Variants in PPP1CB observed in about 807,000 individuals in gnomAD.
The protein encoded by PPP1CB is serine/threonine-protein phosphatase PP1-beta catalytic subunit.
PPP1CB carries 2 observed loss-of-function variants against 43.7 expected under a neutral mutation model. That is an observed-to-expected ratio of 0.05 (90% CI 0.02 to 0.14). The LOEUF is 0.14. Ranked by LOEUF, PPP1CB falls within the 10% of genes least tolerant of loss-of-function variation. The pLI is 1.00. For synonymous variants in PPP1CB, 136 were observed against 135.6 expected, an observed-to-expected ratio of 1.00 and a Z score of -0.02; for missense variants, 84 against 398.0, an observed-to-expected ratio of 0.21 and a Z score of 6.71.
chr2:28,777,711 G>A (rs1007022530), intron 2 of PPP1CB, among the ~76,000 whole-genome samples: 11 of 152,196 alleles, frequency 7.2e-5, no homozygotes, highest in Non-Finnish European at 1.5e-4. Context: ...GGAGTACAAT[G>A]GCACAATCTT....
chr2:28,778,794 T>C lies in PPP1CB; in HGVS notation c.185-15T>C, dbSNP rs757727146. On this transcript the variant is annotated splice_polypyrimidine_tract_variant and intron_variant, in intron 2 of 7. Coordinates refer to ENST00000395366, the MANE Select transcript of PPP1CB (RefSeq NM_002709.3). The stretch of plus-strand genomic sequence containing the variant: ...AGTAACCAATTTTTCTAAAACTGAC[T>C]CTTTCTCTTTTTAGGAGATATTCAT... 3 of 1,523,640 alleles carry C rather than the reference T, an allele frequency of 2.0e-6. No individual in the cohort carries two copies. The highest frequency in any genetic ancestry group is 2.7e-6 in the Non-Finnish European group (3 of 1,101,728). The allele number at this position is 1,523,640 out of a possible 1,614,324, so 94.4% of individuals were successfully genotyped here.
intron 1 of PPP1CB, among the ~76,000 whole-genome samples, chr2:28,764,789 C>T (rs992183473): frequency 2.6e-5 from 4 of 152,040 alleles, no homozygotes; most frequent in Admixed American, 6.6e-5. Flanking sequence ...GGCATGGTGG[C>T]ACACACCTGT....
chr2:28,794,124 A>C, intron 7 of PPP1CB, 127 bp downstream of exon 7: 4 of 698,422 alleles, frequency 5.7e-6, no homozygotes, highest in Non-Finnish European at 9.2e-6. Context: ...AGTGATTACC[A>C]CTCAAACTCA....
At chr2:28,796,895 C>T (rs186213426) in intron 7 of PPP1CB, among the ~76,000 whole-genome samples, 251 of 152,116 alleles carry the variant, frequency 1.7e-3, no homozygotes, top group Non-Finnish European at 5.1e-4. Flanking sequence ...CTTTTCAGTA[C>T]GATGTTGGCT....
chr2:28,793,711 G>A (rs556430840), intron 6 of PPP1CB, 152 bp from the exon 7 acceptor site: 1 of 741,232 alleles, frequency 1.3e-6, no homozygotes, highest in South Asian at 2.2e-5. Flanking sequence ...TCTAAGCAAA[G>A]TTTAAGAATA....
chr2:28,800,234 T>TTC lies in PPP1CB; in HGVS notation c.*932_*933insCT, dbSNP rs1553312792. 1 of 143,518 alleles carries TTC rather than the reference T, an allele frequency of 7.0e-6. No individual in the cohort carries two copies. The highest frequency in any genetic ancestry group is 1.5e-5 in the Non-Finnish European group (1 of 65,518). 8.9% of individuals were successfully genotyped at this position (143,518 alleles called of 1,614,324 possible). ...CTTTTTCTTTTTTCTTTCTTTTTTTTTTTTTTTTTTTTTTTGAGTTGTTGT... is the reference window on the plus strand; with the variant it reads ...CTTTTTCTTTTTTCTTTCTTTTTTTTTCTTTTTTTTTTTTTTTGAGTTGTTGT... On this transcript the variant is annotated 3_prime_UTR_variant, in exon 8 of 8. Transcript: ENST00000395366.
chr2:28,791,098 T>G (rs1376450362), intron 6 of PPP1CB, among the ~76,000 whole-genome samples: 1 of 152,214 alleles, frequency 6.6e-6, no homozygotes, highest in Non-Finnish European at 1.5e-5. Context: ...CGTATTTAAT[T>G]AAGTATATGC....
chr2:28,794,324 G>A (rs1245401218), intron 7 of PPP1CB, among the ~76,000 whole-genome samples: 1 of 152,142 alleles, frequency 6.6e-6, no homozygotes, highest in African/African-American at 2.4e-5. Context: ...TTAGGCTTTT[G>A]TTTTCTTTTG....
chr2:28,752,301 G>A, intron 1 of PPP1CB, 125 bp downstream of exon 1: 2 of 950,112 alleles, frequency 2.1e-6, no homozygotes, highest in Admixed American at 3.1e-5. Context: ...CTGGGAGCGC[G>A]GCGCGGCGGA....
chr2:28,772,878 A>G (rs533977791), intron 1 of PPP1CB, among the ~76,000 whole-genome samples: 64 of 152,322 alleles, frequency 4.2e-4, no homozygotes, highest in African/African-American at 1.5e-3. Context: ...GATTAGGGAT[A>G]CTCAGCCTGT....
At chr2:28,781,879 C>G (rs1357368506) in intron 4 of PPP1CB, 37 bp downstream of exon 4, 7 of 1,400,310 alleles carry the variant, frequency 5.0e-6, no homozygotes, top group Non-Finnish European at 7.1e-6. Context: ...TTTTTTTTTT[C>G]TTCTATTATT....
rs1225536771 is a variant in PPP1CB at position 28,800,128 on chromosome 2, C to T, written c.*825C>T. The T allele has an allele frequency of 6.6e-6, 1 of 151,980 alleles. No homozygotes were observed. Among genetic ancestry groups the T allele is most frequent in the Non-Finnish European group, 1.5e-5 (1 of 67,878 alleles). 9.4% of individuals were successfully genotyped at this position (151,980 alleles called of 1,614,324 possible). A position where few individuals can be genotyped will look rare whatever the true frequency, so the allele number is the denominator to read the frequency against. ...AGTTGGTAATGTGATTATGTGGTAC[C>T]TTGGCTTTAGGTTTTCATTCGCACG... On this transcript the variant is annotated 3_prime_UTR_variant, in exon 8 of 8. Transcript: ENST00000395366.
At chr2:28,756,917 T>C (rs1398984071) in intron 1 of PPP1CB, among the ~76,000 whole-genome samples, 1 of 152,218 alleles carries the variant, frequency 6.6e-6, no homozygotes, top group Non-Finnish European at 1.5e-5. Context: ...ACCATACAGT[T>C]TGCCTATTTA....
Position 28,800,111 on chromosome 2 carries a change from A to G in PPP1CB, c.*808A>G, listed in dbSNP as rs1439536718. ...TATAGTATTACCCAACTAGTTGGTA[A>G]TGTGATTATGTGGTACCTTGGCTTT... On this transcript the variant is annotated 3_prime_UTR_variant, in exon 8 of 8. Transcript: ENST00000395366. The G allele has an allele frequency of 6.6e-6, 1 of 152,402 alleles. No individual in the cohort carries two copies. Among genetic ancestry groups the G allele is most frequent in the African/African-American group, 2.4e-5 (1 of 41,406 alleles). 9.4% of individuals were successfully genotyped at this position (152,402 alleles called of 1,614,324 possible).
At chr2:28,797,951 T>G (rs373897458) in intron 7 of PPP1CB, among the ~76,000 whole-genome samples, 1 of 152,166 alleles carries the variant, frequency 6.6e-6, no homozygotes, top group African/African-American at 2.4e-5. Flanking sequence ...TTCCCATTCC[T>G]CTTTCTCTTT....
At chr2:28,771,003 T>TA in intron 1 of PPP1CB, among the ~76,000 whole-genome samples, 1 of 148,074 alleles carries the variant, frequency 6.8e-6, no homozygotes, top group African/African-American at 2.5e-5. Context: ...ATTGTGAAGA[T>TA]ACCAATTCTG....
chr2:28,792,140 A>G (rs1667401353), intron 6 of PPP1CB, among the ~76,000 whole-genome samples: 1 of 152,150 alleles, frequency 6.6e-6, no homozygotes, highest in South Asian at 2.1e-4. Flanking sequence ...CAGGAGTTCG[A>G]GGCCAGCCTG....
chr2:28,800,954 C>G lies in PPP1CB; in HGVS notation c.*1651C>G, dbSNP rs1173712652. ...CACAGTGCAAAAGTTCTTTAAAATG[C>G]ATATGTCTTTTTTTCTAATTCCGTT... On this transcript the variant is annotated 3_prime_UTR_variant, in exon 8 of 8. Transcript: ENST00000395366. The G allele has an allele frequency of 6.6e-6, 1 of 152,460 alleles. No individual in the cohort carries two copies. The highest frequency in any genetic ancestry group is 1.5e-5 in the Non-Finnish European group (1 of 67,938). The allele number at this position is 152,460 out of a possible 1,614,324, so 9.4% of individuals were successfully genotyped here.
At chr2:28,796,125 C>T (rs758575853) in intron 7 of PPP1CB, among the ~76,000 whole-genome samples, 5 of 152,154 alleles carry the variant, frequency 3.3e-5, no homozygotes, top group Admixed American at 6.5e-5. Flanking sequence ...TTTCTGGCTC[C>T]TCCATCCTGT....
Sources: allele counts gnomAD v4.1 joint callset (sites outside exome capture counted in the v4.1 genomes callset), GRCh38; gene constraint gnomAD v4.1.1; transcripts MANE v1.5; gene names NCBI Gene and HGNC (gene_info 2026-07-23, HGNC 2026-07-21).